Variants in MPC2 observed in about 807,000 individuals in gnomAD.
The protein encoded by MPC2 is brain protein 44.
In MPC2, 19 loss-of-function variants were observed where a neutral mutation model predicts 19.2. The ratio of observed to expected loss-of-function variants is 0.99; its 90% confidence interval spans 0.69 to 1.45. The LOEUF (loss-of-function observed/expected upper bound fraction) is 1.45, where lower values mean the gene tolerates loss of function less well. MPC2 is among the 40% of genes most tolerant of loss of function. The probability of loss-of-function intolerance (pLI) is 0.00; values close to 1 mark genes in which losing one functional copy is unlikely to be tolerated. For missense variants in MPC2, 122 were observed against 153.0 expected (o/e 0.80, Z 1.07); for synonymous variants, 61 against 54.3 (o/e 1.12, Z -0.54).
intron 3 of MPC2, among the ~76,000 whole-genome samples, chr1:167,921,167 T>C (rs1670590750): frequency 6.6e-6 from 1 of 152,144 alleles, no homozygotes. Flanking sequence ...GGGCTTCTAA[T>C]GAATTATTTT....
At chr1:167,927,365 G>A (rs1670786899) in intron 2 of MPC2, among the ~76,000 whole-genome samples, 1 of 152,070 alleles carries the variant, frequency 6.6e-6, no homozygotes. Flanking sequence ...TGAGATTCTG[G>A]GATTCCTATC....
intron 3 of MPC2, among the ~76,000 whole-genome samples, 164 bp from the exon 4 acceptor site, chr1:167,920,795 A>T (rs1175837693): frequency 6.6e-6 from 1 of 152,246 alleles, no homozygotes; most frequent in Non-Finnish European, 1.5e-5. Context: ...AAAAAGCACA[A>T]TGAATTAAAA....
At chr1:167,919,934 A>T in intron 5 of MPC2, 45 bp downstream of exon 5, 1 of 1,452,190 alleles carries the variant, frequency 6.9e-7, no homozygotes, top group Non-Finnish European at 9.5e-7. Flanking sequence ...AGTGCCATCT[A>T]AGTAGCTTTT....
chr1:167,920,329 T>C (rs542887389), intron 4 of MPC2, among the ~76,000 whole-genome samples: 2 of 152,320 alleles, frequency 1.3e-5, no homozygotes, highest in Admixed American at 6.5e-5. Context: ...TATAAAAATA[T>C]GTTCATGGCA....
intron 3 of MPC2, among the ~76,000 whole-genome samples, chr1:167,921,847 T>C (rs1019402406): frequency 6.6e-6 from 1 of 152,158 alleles, no homozygotes; most frequent in Non-Finnish European, 1.5e-5. Flanking sequence ...AAAAGACTGA[T>C]TGTCAATGAA....
At chr1:167,933,864 T>G (rs562335158) in intron 2 of MPC2, among the ~76,000 whole-genome samples, 1 of 152,220 alleles carries the variant, frequency 6.6e-6, no homozygotes. Flanking sequence ...ATTTTAGAAC[T>G]GACAGTTATT....
chr1:167,926,300 T>A (rs1034361394), intron 2 of MPC2, among the ~76,000 whole-genome samples: 1 of 152,236 alleles, frequency 6.6e-6, no homozygotes, highest in Admixed American at 6.5e-5. Context: ...GTGAAAAACC[T>A]ATCTATATTC....
chr1:167,925,442 C>CGTGTATATATATAT (rs1553200802), intron 2 of MPC2, among the ~76,000 whole-genome samples: 2 of 82,476 alleles, frequency 2.4e-5, no homozygotes, highest in African/African-American at 5.1e-5. Flanking sequence ...TACATATACA[C>CGTGTATATATATAT]ATATATATAT....
chr1:167,920,654 A>T (rs1457644885), intron 3 of MPC2, 23 bp from the exon 4 acceptor site: 19 of 1,595,960 alleles, frequency 1.2e-5, no homozygotes, highest in Non-Finnish European at 1.6e-5. Context: ...GCATAGAAAG[A>T]AAAAAAGTAT....
intron 2 of MPC2, among the ~76,000 whole-genome samples, chr1:167,925,442 C>CGTGTATATATATATAT (rs1553200802): frequency 4.9e-5 from 4 of 82,474 alleles, no homozygotes; most frequent in African/African-American, 2.0e-4. Context: ...TACATATACA[C>CGTGTATATATATATAT]ATATATATAT....
rs772110104 is a variant in MPC2, at chr1:167,916,953, T to C, written c.*1370A>G. 1.3e-5 allele frequency: 2 copies of C among 152,202 alleles called. No homozygotes were observed. The highest frequency in any genetic ancestry group is 1.9e-4 in the East Asian group (1 of 5,194). The allele number at this position is 152,202 out of a possible 1,614,324, so 9.4% of individuals were successfully genotyped here. A position where few individuals can be genotyped will look rare whatever the true frequency, so the allele number is the denominator to read the frequency against. On this transcript the variant is annotated 3_prime_UTR_variant, in exon 6 of 6. Transcript: ENST00000271373. ...ATCTTTTCTCCTCAATGGTAGGCCA[T>C]GGTTAAGGGACAGATGATAAAGTAC...
chr1:167,936,155 T>C (rs1318890942), intron 1 of MPC2: 3 of 321,674 alleles, frequency 9.3e-6, no homozygotes, highest in Admixed American at 4.6e-5. Flanking sequence ...TGCGCCCTGC[T>C]GGCAGCGCGC....
At chr1:167,920,502 C>A in intron 4 of MPC2, 45 bp downstream of exon 4, 1 of 1,586,656 alleles carries the variant, frequency 6.3e-7, no homozygotes, top group Non-Finnish European at 8.6e-7. Context: ...AAACAAAAAT[C>A]ATTTATGTTC....
intron 2 of MPC2, among the ~76,000 whole-genome samples, chr1:167,931,895 A>T (rs929633094): frequency 7.9e-5 from 12 of 152,208 alleles, no homozygotes; most frequent in Admixed American, 1.3e-4. Flanking sequence ...TTTAAAATTA[A>T]ACAAGCTAAT....
chr1:167,936,648 A>AG lies in MPC2; in HGVS notation c.-58+290dup, dbSNP rs764259610. ...CTCCGCCTCCGCCTCCTCCTGTTGG[A>AG]GGGGGGCTGAGGGAGGAGACTGTTG... is the stretch of plus-strand genomic sequence containing the variant. On this transcript the variant is annotated intron_variant, in intron 1 of 5. Transcript: ENST00000271373. 24 of 394,578 alleles carry AG rather than the reference A, an allele frequency of 6.1e-5. No individual in the cohort carries two copies. The East Asian group carries it at 9.1e-4, about 15-fold the overall frequency. 24.4% of individuals were successfully genotyped at this position (394,578 alleles called of 1,614,324 possible). A position where few individuals can be genotyped will look rare whatever the true frequency, so the allele number is the denominator to read the frequency against.
At chr1:167,929,397 T>C (rs569933723) in intron 2 of MPC2, among the ~76,000 whole-genome samples, 2 of 152,282 alleles carry the variant, frequency 1.3e-5, no homozygotes, top group South Asian at 2.1e-4. Flanking sequence ...TTTTAAACTA[T>C]GAACTATGTT....
In MPC2 at chr1:167,920,583, G is replaced by A; in HGVS notation, c.199C>T (p.Leu67Phe). 2 of 1,614,002 alleles carry A rather than the reference G, an allele frequency of 1.2e-6. No homozygotes were observed. The highest frequency in any genetic ancestry group is 1.7e-6 in the Non-Finnish European group (2 of 1,179,954). The change falls in exon 4 of 6, where the codon CTT becomes TTT. Residue 67 changes from leucine to phenylalanine, a missense_variant. Leu to Phe is a conservative substitution (Grantham distance 22, BLOSUM62 0). Coordinates refer to ENST00000271373, the MANE Select transcript of MPC2 (RefSeq NM_001143674.4). The part of the protein sequence containing the change: ...LADMARPAEK[L>F]STAQSAVLMA... Reference sequence around the variant, plus strand: ...AAAACAGCAGATTGAGCTGTGCTAAGTTTTTCTGCAGGTCTGGCCATATCA... The same window carrying A: ...AAAACAGCAGATTGAGCTGTGCTAAATTTTTCTGCAGGTCTGGCCATATCA...
Position 167,916,697 on chromosome 1 carries a change from G to C in MPC2, c.*1626C>G, listed in dbSNP as rs550901267. The stretch of plus-strand genomic sequence containing the variant: ...GGCTTAGGAGACCCCGCACAGAAGA[G>C]GTTTTAATGAAAAGGAAGTGAAACA... On this transcript the variant is annotated 3_prime_UTR_variant, in exon 6 of 6. Coordinates refer to ENST00000271373, the MANE Select transcript of MPC2 (RefSeq NM_001143674.4). 2 of 152,200 alleles carry C rather than the reference G, an allele frequency of 1.3e-5. No individual in the cohort carries two copies. Among genetic ancestry groups the C allele is most frequent in the South Asian group, 4.2e-4 (2 of 4,816 alleles). The allele number at this position is 152,200 out of a possible 1,614,324, so 9.4% of individuals were successfully genotyped here. A position where few individuals can be genotyped will look rare whatever the true frequency, so the allele number is the denominator to read the frequency against.
At chr1:167,920,686 T>C in intron 3 of MPC2, 55 bp from the exon 4 acceptor site, 1 of 1,525,858 alleles carries the variant, frequency 6.6e-7, no homozygotes, top group Non-Finnish European at 8.9e-7. Flanking sequence ...AGTAATAGTT[T>C]TAACTTTAAA....
Sources: gnomAD v4.1 joint callset for allele counts (sites outside exome capture counted in the v4.1 genomes callset) on GRCh38, gnomAD v4.1.1 for gene constraint, MANE v1.5 for transcripts, NCBI Gene and HGNC (gene_info 2026-07-23, HGNC 2026-07-21) for gene names.